Variants in LYPLAL1 observed in about 807,000 individuals in gnomAD.
The protein encoded by LYPLAL1 is lysophospholipase-like protein 1.
LYPLAL1 carries 23 observed loss-of-function variants against 19.7 expected under a neutral mutation model. The ratio of observed to expected loss-of-function variants is 1.17; its 90% CI spans 0.84 to 1.65. The LOEUF (loss-of-function observed/expected upper bound fraction) is 1.65, where lower values mean the gene tolerates loss of function less well. LYPLAL1 is among the 40% of genes most tolerant of loss of function. The pLI, the probability that LYPLAL1 is intolerant of heterozygous loss-of-function variation, is 0.00. For missense variants in LYPLAL1, 355 were observed against 279.4 expected (o/e 1.27, Z -1.93); for synonymous variants, 119 against 96.3 (o/e 1.24, Z -1.38).
the LYPLAL1 span, among the ~76,000 whole-genome samples, chr1:219,342,229 G>C: frequency 6.6e-6 from 1 of 152,088 alleles, no homozygotes; most frequent in Non-Finnish European, 1.5e-5. Context: ...CTTGTAAGCA[G>C]AGACACAGAC....
chr1:219,265,262 A>T, the LYPLAL1 span, among the ~76,000 whole-genome samples: 1 of 152,204 alleles, frequency 6.6e-6, no homozygotes, highest in East Asian at 1.9e-4. Flanking sequence ...TGGCAAGCCA[A>T]TCACATAAAT....
intron 1 of LYPLAL1, chr1:219,174,215 G>A: frequency 7.1e-7 from 1 of 1,399,276 alleles, no homozygotes; most frequent in Non-Finnish European, 9.3e-7. Context: ...TCGCTTTGGG[G>A]CCTTGTGTCC....
At chr1:219,402,955 G>C in the LYPLAL1 span, among the ~76,000 whole-genome samples, 4 of 152,190 alleles carry the variant, frequency 2.6e-5, no homozygotes, top group Admixed American at 6.5e-5. Context: ...AGAATGAAGA[G>C]CTCCTCACAC....
At chr1:219,358,466 T>C in the LYPLAL1 span, among the ~76,000 whole-genome samples, 1 of 152,202 alleles carries the variant, frequency 6.6e-6, no homozygotes, top group Non-Finnish European at 1.5e-5. Flanking sequence ...TATAAAGAAC[T>C]GCCCGAGACT....
chr1:219,373,875 A>C, the LYPLAL1 span, among the ~76,000 whole-genome samples: 4,994 of 22,522 alleles, frequency 0.22, 303 homozygotes, highest in African/African-American at 0.33. Flanking sequence ...AAAAAAAAAA[A>C]AAAAAACAAA....
downstream of LYPLAL1, among the ~76,000 whole-genome samples, chr1:219,216,154 G>A (rs1464477290): frequency 6.6e-6 from 1 of 151,608 alleles, no homozygotes; most frequent in African/African-American, 2.4e-5. Flanking sequence ...CTATATAATA[G>A]GCTTAATCTC....
chr1:219,430,091 T>A, the LYPLAL1 span, among the ~76,000 whole-genome samples: 15 of 152,028 alleles, frequency 9.9e-5, no homozygotes, highest in Non-Finnish European at 1.5e-5. Flanking sequence ...CACAGGAGTA[T>A]GAGACTAGCC....
the LYPLAL1 span, among the ~76,000 whole-genome samples, chr1:219,231,278 G>A: frequency 6.6e-6 from 1 of 152,062 alleles, no homozygotes; most frequent in Non-Finnish European, 1.5e-5. Context: ...TGTTAGAGGA[G>A]AACATTGGAA....
At chr1:219,335,726 A>T in the LYPLAL1 span, among the ~76,000 whole-genome samples, 1 of 151,854 alleles carries the variant, frequency 6.6e-6, no homozygotes, top group Admixed American at 6.6e-5. Flanking sequence ...TTCATCACTA[A>T]ATATCCACTG....
At chr1:219,342,869 T>TTC in the LYPLAL1 span, among the ~76,000 whole-genome samples, 1 of 152,248 alleles carries the variant, frequency 6.6e-6, no homozygotes, top group African/African-American at 2.4e-5. Context: ...TGGTTTAATT[T>TTC]TCAATTTCCA....
the LYPLAL1 span, among the ~76,000 whole-genome samples, chr1:219,369,303 G>A: frequency 6.6e-6 from 1 of 152,130 alleles, no homozygotes; most frequent in African/African-American, 2.4e-5. Flanking sequence ...ACAGAGTCTC[G>A]CTCTGTCACC....
chr1:219,350,804 T>G, the LYPLAL1 span, among the ~76,000 whole-genome samples: 1 of 152,184 alleles, frequency 6.6e-6, no homozygotes, highest in Non-Finnish European at 1.5e-5. Context: ...TGTACTTTTG[T>G]CAAAGAGCTG....
chr1:219,387,392 C>T, the LYPLAL1 span, among the ~76,000 whole-genome samples: 1 of 152,116 alleles, frequency 6.6e-6, no homozygotes, highest in Non-Finnish European at 1.5e-5. Context: ...AAGCTGTCTC[C>T]CCTCACCTGT....
intron 3 of LYPLAL1, among the ~76,000 whole-genome samples, chr1:219,201,120 AT>A (rs1658064101): frequency 6.6e-6 from 1 of 152,102 alleles, no homozygotes; most frequent in African/African-American, 2.4e-5. Context: ...TCTTGAAAAA[AT>A]TTTTCTCAAA....
chr1:219,376,997 T>C, the LYPLAL1 span, among the ~76,000 whole-genome samples: 25 of 152,312 alleles, frequency 1.6e-4, no homozygotes, highest in African/African-American at 5.5e-4. Context: ...CCCCAAAGAA[T>C]TGAAGGCAGT....
At chr1:219,445,416 GGGC>G in the LYPLAL1 span, among the ~76,000 whole-genome samples, 406 of 102,832 alleles carry the variant, frequency 3.9e-3, 3 homozygotes, top group East Asian at 0.029. Context: ...ATTGGGGGGG[GGGC>G]GGTGGGGGGA....
At chr1:219,265,938 A>G in the LYPLAL1 span, among the ~76,000 whole-genome samples, 1 of 152,162 alleles carries the variant, frequency 6.6e-6, no homozygotes, top group Non-Finnish European at 1.5e-5. Context: ...CTTAACAGGA[A>G]TAAAGTTTGT....
At chr1:219,342,431 T>A in the LYPLAL1 span, among the ~76,000 whole-genome samples, 1 of 152,090 alleles carries the variant, frequency 6.6e-6, no homozygotes, top group Non-Finnish European at 1.5e-5. Context: ...CCTTTTTGCA[T>A]CACCCTATTA....
At chr1:219,265,279 G>T in the LYPLAL1 span, among the ~76,000 whole-genome samples, 2 of 152,078 alleles carry the variant, frequency 1.3e-5, no homozygotes, top group Non-Finnish European at 2.9e-5. Flanking sequence ...AAATAATAAA[G>T]GCTTATTACA....
Sources: allele counts gnomAD v4.1 joint callset (sites outside exome capture counted in the v4.1 genomes callset), GRCh38; gene constraint gnomAD v4.1.1; transcripts MANE v1.5; gene names NCBI Gene and HGNC (gene_info 2026-07-23, HGNC 2026-07-21).